OCIAD1: variants seen among roughly 807,000 people sequenced by gnomAD.
The protein encoded by OCIAD1 is OCIA domain-containing protein 1.
OCIAD1 carries 29 observed loss-of-function variants against 38.9 expected under a neutral mutation model. The observed-to-expected ratio is 0.74, with a 90% confidence interval of 0.55 to 1.02. OCIAD1 has a LOEUF of 1.02. Ranked by LOEUF, OCIAD1 falls within the 50% of genes least tolerant of loss-of-function variation. OCIAD1 has a pLI of 0.00. For synonymous variants in OCIAD1, 110 were observed against 92.0 expected, an observed-to-expected ratio of 1.20 and a Z score of -1.12; for missense variants, 288 against 289.6, an observed-to-expected ratio of 0.99 and a Z score of 0.04.
chr4:48,813,856 T>C (rs1268951006), intron 1 of OCIAD1, among the ~76,000 whole-genome samples: 1 of 152,230 alleles, frequency 6.6e-6, no homozygotes, highest in African/African-American at 2.4e-5. Context: ...ATTTAAATGT[T>C]ACAGTTGGCT....
At chr4:48,849,714 G>T (rs1779263296) in intron 5 of OCIAD1, among the ~76,000 whole-genome samples, 1 of 151,880 alleles carries the variant, frequency 6.6e-6, no homozygotes, top group Non-Finnish European at 1.5e-5. Flanking sequence ...TTTATTTATA[G>T]CAGCTTTATT....
Position 48,857,138 on chromosome 4 carries a change from GC to G in OCIAD1, c.548-74del, listed in dbSNP as rs981584214. On this transcript the variant is annotated intron_variant, in intron 7 of 8. Transcript: ENST00000264312. ...TTGATTGTAGCTCCTTTTGTAAGGA[GC>G]ATTTGTAAAATTTAGTTGCTTTAGA... The G allele has an allele frequency of 4.9e-6, 4 of 822,904 alleles. No homozygotes were observed. The African/African-American group carries it at 7.0e-5, about 14-fold the overall frequency. 51.0% of individuals were successfully genotyped at this position (822,904 alleles called of 1,614,324 possible).
chr4:48,820,695 A>G (rs1444152164), intron 1 of OCIAD1, among the ~76,000 whole-genome samples: 2 of 152,220 alleles, frequency 1.3e-5, no homozygotes, highest in African/African-American at 4.8e-5. Flanking sequence ...AAATAGACAC[A>G]ATAAAAAATG....
At chr4:48,854,022 T>TAGGAG (rs1350858090) in intron 7 of OCIAD1, among the ~76,000 whole-genome samples, 1 of 152,108 alleles carries the variant, frequency 6.6e-6, no homozygotes, top group African/African-American at 2.4e-5. Context: ...ATGGGCAGAT[T>TAGGAG]AGGAGAGAAT....
At chr4:48,805,804 T>A (rs1777018587) in intron 1 of OCIAD1, among the ~76,000 whole-genome samples, 1 of 152,248 alleles carries the variant, frequency 6.6e-6, no homozygotes, top group Non-Finnish European at 1.5e-5. Context: ...TGAGCAATTT[T>A]ATTTTTGTAT....
In OCIAD1 at chr4:48,861,770, T is replaced by A. The variant is rs1780605135; in HGVS notation, c.*1008T>A. 1 of 152,208 alleles carries A rather than the reference T, an allele frequency of 6.6e-6. No individual in the cohort carries two copies. The highest frequency in any genetic ancestry group is 1.5e-5 in the Non-Finnish European group (1 of 68,032). The allele number at this position is 152,208 out of a possible 1,614,324, so 9.4% of individuals were successfully genotyped here. A position where few individuals can be genotyped will look rare whatever the true frequency, so the allele number is the denominator to read the frequency against. On this transcript the variant is annotated 3_prime_UTR_variant, in exon 9 of 9. Coordinates refer to ENST00000264312, the MANE Select transcript of OCIAD1 (RefSeq NM_017830.4). Reference sequence around the variant, plus strand: ...AGGTAAATGCCTTAAAAAGCATTTTTAAAGAATTTGTAAATTCTAAAACAA... The same window carrying A: ...AGGTAAATGCCTTAAAAAGCATTTTAAAAGAATTTGTAAATTCTAAAACAA...
chr4:48,854,651 T>C (rs955027414), intron 7 of OCIAD1, among the ~76,000 whole-genome samples: 4 of 152,228 alleles, frequency 2.6e-5, no homozygotes, highest in African/African-American at 9.6e-5. Context: ...AATATTATTT[T>C]ATGCCTTCCA....
At chr4:48,849,522 A>G (rs1779243746) in intron 5 of OCIAD1, among the ~76,000 whole-genome samples, 1 of 152,164 alleles carries the variant, frequency 6.6e-6, no homozygotes, top group Admixed American at 6.5e-5. Flanking sequence ...ATGGCTGTGC[A>G]TATGATATTC....
chr4:48,858,282 T>C (rs1780276283), intron 8 of OCIAD1, among the ~76,000 whole-genome samples: 1 of 152,184 alleles, frequency 6.6e-6, no homozygotes, highest in South Asian at 2.1e-4. Flanking sequence ...ACAAATCTCC[T>C]TGGAGATCTG....
chr4:48,840,075 T>C (rs1463391584), intron 3 of OCIAD1, among the ~76,000 whole-genome samples: 2 of 152,216 alleles, frequency 1.3e-5, no homozygotes, highest in African/African-American at 4.8e-5. Flanking sequence ...TGACATAAAG[T>C]AGAATACCTG....
chr4:48,835,272 A>G (rs1777881445), intron 3 of OCIAD1, among the ~76,000 whole-genome samples: 2 of 152,200 alleles, frequency 1.3e-5, no homozygotes, highest in African/African-American at 4.8e-5. Flanking sequence ...AAGCTAATAC[A>G]TGAAACACTT....
intron 8 of OCIAD1, among the ~76,000 whole-genome samples, chr4:48,858,186 GT>G (rs1328553604): frequency 6.6e-6 from 1 of 151,974 alleles, no homozygotes; most frequent in Non-Finnish European, 1.5e-5. Context: ...GAAGAAAATA[GT>G]GAAGTCCAAA....
At position 48,831,613 on chromosome 4, in the gene OCIAD1, C is replaced by G. The variant is rs886798187; in HGVS notation, c.-6+364C>G. ...ACTTAAAATGGTATTGTCTTAAGCG[C>G]CGTGTCAGCCCTGACAGTCTTCCTG... On this transcript the variant is annotated intron_variant, in intron 1 of 8. Coordinates refer to ENST00000264312, the MANE Select transcript of OCIAD1 (RefSeq NM_017830.4). The G allele has an allele frequency of 2.3e-4, 273 of 1,165,892 alleles. 1 individual carries two copies. Among genetic ancestry groups the G allele is most frequent in the Non-Finnish European group, 3.0e-4 (265 of 874,612 alleles). 72.2% of individuals were successfully genotyped at this position (1,165,892 alleles called of 1,614,324 possible). A position where few individuals can be genotyped will look rare whatever the true frequency, so the allele number is the denominator to read the frequency against.
chr4:48,812,664 A>G (rs1161086174), intron 1 of OCIAD1, among the ~76,000 whole-genome samples: 1 of 152,178 alleles, frequency 6.6e-6, no homozygotes, highest in Non-Finnish European at 1.5e-5. Context: ...TGACAAGGAC[A>G]TTTGCTTAGG....
chr4:48,845,601 G>A (rs556683203), intron 4 of OCIAD1, among the ~76,000 whole-genome samples: 7 of 152,076 alleles, frequency 4.6e-5, no homozygotes, highest in Admixed American at 3.3e-4. Context: ...GGGTTTTTTT[G>A]TCTAGTTGTT....
At chr4:48,817,171 C>T (rs558417886) in intron 1 of OCIAD1, among the ~76,000 whole-genome samples, 4 of 152,272 alleles carry the variant, frequency 2.6e-5, no homozygotes, top group South Asian at 4.1e-4. Context: ...TTGCTTCACC[C>T]GGGAAGTGTA....
chr4:48,823,565 A>T (rs1301078021), intron 1 of OCIAD1, among the ~76,000 whole-genome samples: 3 of 152,140 alleles, frequency 2.0e-5, no homozygotes, highest in African/African-American at 7.2e-5. Flanking sequence ...GTAAAATAAA[A>T]AAAAAAAGAC....
intron 3 of OCIAD1, among the ~76,000 whole-genome samples, chr4:48,841,312 A>T (rs1401848308): frequency 1.3e-5 from 2 of 152,222 alleles, no homozygotes; most frequent in South Asian, 4.1e-4. Flanking sequence ...CAGTAGTCAC[A>T]TGTAGCAATT....
At chr4:48,822,919 G>A (rs1037498824) in intron 1 of OCIAD1, among the ~76,000 whole-genome samples, 20 of 152,136 alleles carry the variant, frequency 1.3e-4, no homozygotes, top group African/African-American at 3.9e-4. Context: ...TGGAGAAATC[G>A]GAACGCTTTT....
Sources: gnomAD v4.1 joint callset for allele counts (sites outside exome capture counted in the v4.1 genomes callset) on GRCh38, gnomAD v4.1.1 for gene constraint, MANE v1.5 for transcripts, NCBI Gene and HGNC (gene_info 2026-07-23, HGNC 2026-07-21) for gene names.